ELP3: variants seen among roughly 807,000 people sequenced by gnomAD.
ELP3 encodes the protein elongator complex protein 3.
A neutral mutation model predicts 74.9 loss-of-function variants in ELP3; 56 were observed. The observed-to-expected ratio is 0.75, with a 90% CI of 0.60 to 0.93. The LOEUF (loss-of-function observed/expected upper bound fraction) is 0.93. ELP3 is among the 40% of genes least tolerant of loss of function. The pLI is 0.00. For missense variants in ELP3, 573 were observed against 686.5 expected, an observed-to-expected ratio of 0.83 and a Z score of 1.85; for synonymous variants, 222 against 239.8, an observed-to-expected ratio of 0.93 and a Z score of 0.68.
intron 11 of ELP3, among the ~76,000 whole-genome samples, chr8:28,157,044 G>A (rs12541966): frequency 0.5 from 76,502 of 151,864 alleles, 19,968 homozygotes; most frequent in East Asian, 0.91. Context: ...TCGCCTCCAA[G>A]AAGGCCACTG....
At chr8:28,148,775 T>C (rs955097231) in intron 10 of ELP3, among the ~76,000 whole-genome samples, 1 of 152,246 alleles carries the variant, frequency 6.6e-6, no homozygotes, top group African/African-American at 2.4e-5. Flanking sequence ...ATGCATTTGA[T>C]ACATTGGATT....
At chr8:28,161,881 TTCAC>T in intron 13 of ELP3, 112 bp from the exon 14 acceptor site, 3 of 932,286 alleles carry the variant, frequency 3.2e-6, no homozygotes, top group Non-Finnish European at 4.9e-6. Flanking sequence ...AGTGGGCTTT[TTCAC>T]TCTTAACAGA....
At chr8:28,188,587 A>G (rs1451783652) in intron 14 of ELP3, among the ~76,000 whole-genome samples, 2 of 152,212 alleles carry the variant, frequency 1.3e-5, no homozygotes, top group Non-Finnish European at 2.9e-5. Flanking sequence ...TTTGGCAAAC[A>G]CATCCACTTG....
rs1433625791 is a variant in ELP3 at position 28,147,363 on chromosome 8, A to G, written c.1101-8579A>G. On this transcript the variant is annotated intron_variant, in intron 10 of 14. Transcript: ENST00000256398. The surrounding 1 kb of genome is among the most constrained non-coding windows in gnomAD (Gnocchi z 4.5). ...GACTGATGCAGAGGTAAGGAGAGGGAGTGCAGAGATGGCAACTGCAGTTGT... is the reference window on the plus strand; with the variant it reads ...GACTGATGCAGAGGTAAGGAGAGGGGGTGCAGAGATGGCAACTGCAGTTGT... 6.6e-6 allele frequency among the ~76,000 whole-genome samples: 1 copy of G among 152,212 alleles called. No individual in the cohort carries two copies. The highest frequency in any genetic ancestry group is 2.4e-5 in the African/African-American group (1 of 41,436).
At chr8:28,178,313 C>A (rs1814847800) in intron 14 of ELP3, among the ~76,000 whole-genome samples, 1 of 152,226 alleles carries the variant, frequency 6.6e-6, no homozygotes, top group African/African-American at 2.4e-5. Context: ...CTAACCCCCA[C>A]TTATGTCAAT....
chr8:28,160,840 G>T lies in ELP3; in HGVS notation c.1485+384G>T, dbSNP rs547968435. Among the ~76,000 whole-genome samples, 3 of 152,166 alleles carry T rather than the reference G, an allele frequency of 2.0e-5. No individual in the cohort carries two copies. In the East Asian group the frequency reaches 5.8e-4, roughly 29 times the overall value. On this transcript the variant is annotated intron_variant, in intron 13 of 14. Transcript: ENST00000256398. Reference sequence around the variant, plus strand: ...CTCCCTAGTAGCTGGGATTACAGGTGTGCACCACCATGCCTGACTAATTTT... The same window carrying T: ...CTCCCTAGTAGCTGGGATTACAGGTTTGCACCACCATGCCTGACTAATTTT...
chr8:28,129,746 T>A, intron 8 of ELP3, 83 bp downstream of exon 8: 1 of 1,515,452 alleles, frequency 6.6e-7, no homozygotes, highest in Non-Finnish European at 9.1e-7. Context: ...CTTTCTTCCT[T>A]CTGACCACTC....
chr8:28,134,773 G>T (rs535222850), intron 9 of ELP3, among the ~76,000 whole-genome samples: 9 of 152,274 alleles, frequency 5.9e-5, no homozygotes, highest in Middle Eastern at 3.4e-3. Flanking sequence ...TCTCTCTGAA[G>T]AAATTTATTA....
At position 28,189,739 on chromosome 8, in the gene ELP3, C is replaced by T. The variant is rs564250108; in HGVS notation, c.*14C>T. ...ATGCTGAAATAATGGCCACACCAGTCCACTCTTCTGCAGTATCCTCCCTGG... is the reference window on the plus strand; with the variant it reads ...ATGCTGAAATAATGGCCACACCAGTTCACTCTTCTGCAGTATCCTCCCTGG... On this transcript the variant is annotated 3_prime_UTR_variant, in exon 15 of 15. Transcript: ENST00000256398. 2.5e-6 allele frequency: 4 copies of T among 1,611,614 alleles called. No individual in the cohort carries two copies. Among genetic ancestry groups the T allele is most frequent in the African/African-American group, 2.7e-5 (2 of 74,988 alleles).
chr8:28,151,991 G>C (rs1182219682), intron 10 of ELP3, among the ~76,000 whole-genome samples: 1 of 152,160 alleles, frequency 6.6e-6, no homozygotes. Context: ...TCATCGGTTA[G>C]AATTCAGGTT....
At chr8:28,124,867 G>A (rs78290896) in intron 7 of ELP3, among the ~76,000 whole-genome samples, 9 of 152,204 alleles carry the variant, frequency 5.9e-5, no homozygotes, top group Non-Finnish European at 1.0e-4. Context: ...AAATTCTGTC[G>A]TTACTTCATT....
chr8:28,120,660 C>A (rs1240763859), intron 7 of ELP3, among the ~76,000 whole-genome samples: 1 of 152,182 alleles, frequency 6.6e-6, no homozygotes, highest in Non-Finnish European at 1.5e-5. Flanking sequence ...GTGTTTTCTT[C>A]TAATTACAGG....
chr8:28,134,700 A>G (rs981896947), intron 9 of ELP3, among the ~76,000 whole-genome samples: 4 of 152,212 alleles, frequency 2.6e-5, no homozygotes, highest in African/African-American at 9.6e-5. Flanking sequence ...TTAAAACTAC[A>G]TTTGGTCTCA....
chr8:28,180,688 G>T (rs567067513), intron 14 of ELP3, among the ~76,000 whole-genome samples: 19 of 152,266 alleles, frequency 1.2e-4, no homozygotes, highest in Middle Eastern at 3.4e-3. Context: ...TTCCTCCAAG[G>T]AAGACCTGTT....
intron 12 of ELP3, among the ~76,000 whole-genome samples, chr8:28,159,055 T>A (rs755276395): frequency 6.6e-6 from 1 of 152,234 alleles, no homozygotes; most frequent in Non-Finnish European, 1.5e-5. Flanking sequence ...TATGATCTGC[T>A]TCTCTCTTTA....
intron 6 of ELP3, among the ~76,000 whole-genome samples, chr8:28,111,612 A>G (rs935039787): frequency 6.6e-6 from 1 of 152,138 alleles, no homozygotes; most frequent in Non-Finnish European, 1.5e-5. Context: ...GGGAGCCCAC[A>G]TTTTTCCAAA....
At chr8:28,148,533 T>C (rs1019199940) in intron 10 of ELP3, among the ~76,000 whole-genome samples, 2 of 152,202 alleles carry the variant, frequency 1.3e-5, no homozygotes, top group African/African-American at 4.8e-5. Flanking sequence ...ATAAAGACTT[T>C]CTAACTGGAT....
At chr8:28,115,630 G>A (rs1252782312) in intron 7 of ELP3, among the ~76,000 whole-genome samples, 2 of 152,188 alleles carry the variant, frequency 1.3e-5, no homozygotes, top group Admixed American at 1.3e-4. Flanking sequence ...TCTGTTTTAT[G>A]GGTGAGGAAG....
In ELP3 at chr8:28,129,669, A is replaced by T. The variant is rs768850648; in HGVS notation, c.779+6A>T. The T allele has an allele frequency of 6.2e-6, 10 of 1,613,706 alleles. No individual in the cohort carries two copies. In the South Asian group the frequency reaches 9.9e-5, roughly 16 times the overall value. Reference sequence around the variant, plus strand: ...GTGGCTAGAGACACCAACAGGTAAGATGGTGGCAGGTGATCTTGCACAAGT... The same window carrying T: ...GTGGCTAGAGACACCAACAGGTAAGTTGGTGGCAGGTGATCTTGCACAAGT... On this transcript the variant is annotated splice_donor_region_variant and intron_variant, in intron 8 of 14. Transcript: ENST00000256398.
Sources: gnomAD v4.1 joint callset for allele counts (sites outside exome capture counted in the v4.1 genomes callset) on GRCh38, gnomAD v4.1.1 for gene constraint, Gnocchi (gnomAD v3.1) non-coding constraint, MANE v1.5 for transcripts, NCBI Gene and HGNC (gene_info 2026-07-23, HGNC 2026-07-21) for gene names.